Variants in TLR4 observed in about 807,000 individuals in gnomAD.
TLR4 encodes toll like receptor 4.
TLR4 carries 17 observed loss-of-function variants against 27.4 expected under a neutral mutation model. That is an observed-to-expected ratio of 0.62 (90% confidence interval 0.42 to 0.93). The LOEUF is 0.93. Ranked by LOEUF, TLR4 falls within the 40% of genes least tolerant of loss-of-function variation. The pLI is 0.00. For missense variants in TLR4, 926 were observed against 962.3 expected (o/e 0.96, Z 0.50); for synonymous variants, 363 against 365.7 (o/e 0.99, Z 0.08).
rs376848960 is a variant in TLR4 at position 117,724,282 on chromosome 9, G to T, written c.*9634G>T. 243 of 152,296 alleles carry T rather than the reference G, an allele frequency of 1.6e-3. No homozygotes were observed. The Middle Eastern group carries it at 0.02, about 13-fold the overall frequency. The allele number at this position is 152,296 out of a possible 1,614,324, so 9.4% of individuals were successfully genotyped here. A position where few individuals can be genotyped will look rare whatever the true frequency, so the allele number is the denominator to read the frequency against. On this transcript the variant is annotated 3_prime_UTR_variant, in exon 3 of 3. Coordinates refer to ENST00000355622, the MANE Select transcript of TLR4 (RefSeq NM_138554.5). ...CTTTACTTTTTCTGGCTCTTGCCACGGTTTTGAATAAAACTCTTCCAAATA... is the reference window on the plus strand; with the variant it reads ...CTTTACTTTTTCTGGCTCTTGCCACTGTTTTGAATAAAACTCTTCCAAATA...
intron 2 of TLR4, among the ~76,000 whole-genome samples, chr9:117,711,544 T>C (rs1829231478): frequency 6.6e-6 from 1 of 152,198 alleles, no homozygotes. Flanking sequence ...CAACTCCATA[T>C]TGTACACTCC....
rs1162179600 is a variant in TLR4 at position 117,713,781 on chromosome 9, C to T, written c.1653C>T (p.Tyr551=). ...KCLNSLQVLD[Y]SLNHIMTSKK... is the part of the protein sequence containing the mutation. ...TGAACTCCCTCCAGGTTCTTGATTACAGTCTCAATCACATAATGACTTCCA... is the reference window on the plus strand; with the variant it reads ...TGAACTCCCTCCAGGTTCTTGATTATAGTCTCAATCACATAATGACTTCCA... The change falls in exon 3 of 3, where the codon TAC becomes TAT. Residue 551 remains tyrosine (Y), a synonymous_variant. Coordinates refer to ENST00000355622, the MANE Select transcript of TLR4 (RefSeq NM_138554.5). The T allele has an allele frequency of 6.2e-7, 1 of 1,613,846 alleles. No individual in the cohort carries two copies. Among genetic ancestry groups the T allele is most frequent in the Non-Finnish European group, 8.5e-7 (1 of 1,180,010 alleles).
Position 117,714,738 on chromosome 9 carries a change from C to T in TLR4, c.*90C>T. 2 of 1,135,574 alleles carry T rather than the reference C, an allele frequency of 1.8e-6. No individual in the cohort carries two copies. Among genetic ancestry groups the T allele is most frequent in the South Asian group, 2.5e-5 (2 of 78,520 alleles). The allele number at this position is 1,135,574 out of a possible 1,614,324, so 70.3% of individuals were successfully genotyped here. On this transcript the variant is annotated 3_prime_UTR_variant, in exon 3 of 3. Transcript: ENST00000355622. ...ATAAGTATTAAATGCTGCCACATGT[C>T]AGGCCTTATGCTAAGGGTGAGTAAT...
Position 117,708,652 on chromosome 9 carries a change from G to C in TLR4, c.183G>C (p.Leu61=). 8.1e-6 allele frequency: 13 copies of C among 1,613,992 alleles called. No individual in the cohort carries two copies. Among genetic ancestry groups the C allele is most frequent in the Non-Finnish European group, 1.0e-5 (12 of 1,179,890 alleles). The change falls in exon 2 of 3, where the codon CTG becomes CTC. Residue 61 remains leucine, a synonymous_variant. Coordinates refer to ENST00000355622, the MANE Select transcript of TLR4 (RefSeq NM_138554.5). ...NLPFSTKNLD[L]SFNPLRHLGS... is the part of the protein sequence containing the mutation. Reference sequence around the variant, plus strand: ...CCTTCTCAACCAAGAACCTGGACCTGAGCTTTAATCCCCTGAGGCATTTAG... The same window carrying C: ...CCTTCTCAACCAAGAACCTGGACCTCAGCTTTAATCCCCTGAGGCATTTAG...
chr9:117,710,874 A>G (rs1376718574), intron 2 of TLR4, among the ~76,000 whole-genome samples: 2 of 152,102 alleles, frequency 1.3e-5, no homozygotes, highest in Non-Finnish European at 2.9e-5. Context: ...TCCAACTTAA[A>G]TGTTTTCTTT....
intron 1 of TLR4, chr9:117,708,326 T>A (rs909597909): frequency 2.3e-6 from 3 of 1,318,836 alleles, no homozygotes; most frequent in African/African-American, 3.0e-5. Flanking sequence ...GAGGTTAGAA[T>A]GCTGAGCACG....
Position 117,714,791 on chromosome 9 carries a change from G to C in TLR4, c.*143G>C. The C allele has an allele frequency of 2.7e-6, 2 of 751,710 alleles. No homozygotes were observed. The highest frequency in any genetic ancestry group is 4.6e-6 in the Non-Finnish European group (2 of 437,214). The allele number at this position is 751,710 out of a possible 1,614,324, so 46.6% of individuals were successfully genotyped here. A position where few individuals can be genotyped will look rare whatever the true frequency, so the allele number is the denominator to read the frequency against. On this transcript the variant is annotated 3_prime_UTR_variant, in exon 3 of 3. Transcript: ENST00000355622. Reference sequence around the variant, plus strand: ...CATGGTGCACTAGATATGCAGGGCTGCTAATCTCAAGGAGCTTCCAGTGCA... The same window carrying C: ...CATGGTGCACTAGATATGCAGGGCTCCTAATCTCAAGGAGCTTCCAGTGCA...
chr9:117,709,603 A>G (rs992072705), intron 2 of TLR4, among the ~76,000 whole-genome samples: 1 of 152,188 alleles, frequency 6.6e-6, no homozygotes, highest in Non-Finnish European at 1.5e-5. Flanking sequence ...ATCGAACTAG[A>G]TAATGGATCA....
rs1351362963 is a variant in TLR4 at position 117,715,107 on chromosome 9, AG to A, written c.*463del. 5.3e-6 allele frequency: 1 copy of A among 190,402 alleles called. No individual in the cohort carries two copies. The highest frequency in any genetic ancestry group is 1.1e-5 in the Non-Finnish European group (1 of 89,638). 11.8% of individuals were successfully genotyped at this position (190,402 alleles called of 1,614,324 possible). A position where few individuals can be genotyped will look rare whatever the true frequency, so the allele number is the denominator to read the frequency against. On this transcript the variant is annotated 3_prime_UTR_variant, in exon 3 of 3. Transcript: ENST00000355622. ...TTCTACTTGATGACTGCAGTCGTCA[AG>A]GGGCTCCTGATGCAAGATGCCCCTT...
In TLR4 at chr9:117,722,498, C is replaced by CT; in HGVS notation, c.*7851dup. 6.6e-6 allele frequency: 1 copy of CT among 152,302 alleles called. No individual in the cohort carries two copies. The highest frequency in any genetic ancestry group is 1.9e-4 in the East Asian group (1 of 5,180). 9.4% of individuals were successfully genotyped at this position (152,302 alleles called of 1,614,324 possible). ...TTAATGGCAGGGGATGAATATCTGGCTAGTGCTGTGCTCAGCTGAGTTATT... is the reference window on the plus strand; with the variant it reads ...TTAATGGCAGGGGATGAATATCTGGCTTAGTGCTGTGCTCAGCTGAGTTATT... On this transcript the variant is annotated 3_prime_UTR_variant, in exon 3 of 3. Transcript: ENST00000355622.
In TLR4 at chr9:117,713,518, A is replaced by G. The variant is rs199663534; in HGVS notation, c.1390A>G (p.Asn464Asp). ...ISHTHTRVAF[N>D]GIFNGLSSLE... ...TCATACTCACACCAGAGTTGCTTTC[A>G]ATGGCATCTTCAATGGCTTGTCCAG... is the stretch of plus-strand genomic sequence containing the variant. Residue 464 changes from asparagine to aspartate, a missense_variant, in exon 3 of 3, where the codon AAT becomes GAT. By Grantham distance (23) the Asn-to-Asp change is conservative (BLOSUM62 1). Transcript: ENST00000355622. 6.2e-6 allele frequency: 10 copies of G among 1,614,010 alleles called. No homozygotes were observed. The highest frequency in any genetic ancestry group is 8.5e-6 in the Non-Finnish European group (10 of 1,180,026).
Position 117,713,678 on chromosome 9 carries a change from A to G in TLR4, c.1550A>G (p.Asn517Ser). ...GAGCAGTTGTCTCCAACAGCATTTAACTCACTCTCCAGTCTTCAGGTACTA... is the reference window on the plus strand; with the variant it reads ...GAGCAGTTGTCTCCAACAGCATTTAGCTCACTCTCCAGTCTTCAGGTACTA... ...QLEQLSPTAF[N>S]SLSSLQVLNM... Residue 517 changes from asparagine (N) to serine (S), a missense_variant, in exon 3 of 3, where the codon AAC (asparagine) becomes AGC (serine). Asn to Ser is a conservative substitution (Grantham distance 46). Transcript: ENST00000355622. 6.2e-7 allele frequency: 1 copy of G among 1,613,898 alleles called. No homozygotes were observed. Among genetic ancestry groups the G allele is most frequent in the East Asian group, 2.2e-5 (1 of 44,858 alleles).
At chr9:117,708,267 C>A (rs530138869) in intron 1 of TLR4, 1 of 1,172,864 alleles carries the variant, frequency 8.5e-7, no homozygotes, top group African/African-American at 1.6e-5. Flanking sequence ...AGCCTCAGCC[C>A]TTCACCCCGA....
Position 117,704,498 on chromosome 9 carries a change from G to A in TLR4, c.26G>A (p.Gly9Glu), listed in dbSNP as rs537921979. Residue 9 changes from glycine to glutamate, a missense_variant, in exon 1 of 3, where the codon GGG becomes GAG. Gly to Glu is a moderately conservative substitution (Grantham distance 98, BLOSUM62 -2). Transcript: ENST00000355622. MMSASRLA[G>E]TLIPAMAFLS... ...ATGATGTCTGCCTCGCGCCTGGCTG[G>A]GACTCTGATCCCAGCCATGGCCTTC... The A allele has an allele frequency of 1.9e-5, 31 of 1,613,576 alleles. No homozygotes were observed. Among genetic ancestry groups the A allele is most frequent in the Admixed American group, 8.3e-5 (5 of 59,992 alleles).
Position 117,724,487 on chromosome 9 carries a change from CTCTT to C in TLR4, c.*9844_*9847del, listed in dbSNP as rs969017473. On this transcript the variant is annotated 3_prime_UTR_variant, in exon 3 of 3. Transcript: ENST00000355622. ...TTTTGATGTTCATTTTCTCCTTGCTCTCTTTCTTCCTTTCTTGTCTGTGAACTCC... is the reference window on the plus strand; with the variant it reads ...TTTTGATGTTCATTTTCTCCTTGCTCTCTTCCTTTCTTGTCTGTGAACTCC... 8 of 152,192 alleles carry C rather than the reference CTCTT, an allele frequency of 5.3e-5. No individual in the cohort carries two copies. The highest frequency in any genetic ancestry group is 7.2e-5 in the African/African-American group (3 of 41,438). 9.4% of individuals were successfully genotyped at this position (152,192 alleles called of 1,614,324 possible).
In TLR4 at chr9:117,713,368, A is replaced by G. The variant is rs371798034; in HGVS notation, c.1240A>G (p.Met414Val). 1.2e-6 allele frequency: 2 copies of G among 1,614,058 alleles called. No individual in the cohort carries two copies. The highest frequency in any genetic ancestry group is 1.7e-6 in the Non-Finnish European group (2 of 1,179,988). ...LDLSFNGVIT[M>V]SSNFLGLEQL... The stretch of plus-strand genomic sequence containing the variant: ...TCTGAGCTTCAATGGTGTTATTACC[A>G]TGAGTTCAAACTTCTTGGGCTTAGA... The change falls in exon 3 of 3, where the codon ATG (methionine) becomes GTG (valine). Residue 414 changes from methionine to valine, a missense_variant. Physicochemically the swap from Met to Val is conservative, Grantham distance 21 (BLOSUM62 1). Coordinates refer to ENST00000355622, the MANE Select transcript of TLR4 (RefSeq NM_138554.5).
chr9:117,708,643 C>T lies in TLR4; in HGVS notation c.174C>T (p.Asn58=). Residue 58 remains asparagine, a synonymous_variant, in exon 2 of 3, where the codon AAC becomes AAT. Transcript: ENST00000355622. ...ACAACCTCCCCTTCTCAACCAAGAA[C>T]CTGGACCTGAGCTTTAATCCCCTGA... ...IPDNLPFSTK[N]LDLSFNPLRH... 6.2e-7 allele frequency: 1 copy of T among 1,613,990 alleles called. No individual in the cohort carries two copies. The highest frequency in any genetic ancestry group is 8.5e-7 in the Non-Finnish European group (1 of 1,179,876).
At chr9:117,708,772 A>G in intron 2 of TLR4, 43 bp downstream of exon 2, 1 of 1,611,936 alleles carries the variant, frequency 6.2e-7, no homozygotes, top group East Asian at 2.2e-5. Context: ...TGAGGTGTTC[A>G]TTGTCCTGTC....
rs1012853347 is a variant in TLR4 at position 117,712,387 on chromosome 9, A to G, written c.261-2A>G. On this transcript the variant is annotated splice_acceptor_variant, in intron 2 of 2. Coordinates refer to ENST00000355622, the MANE Select transcript of TLR4 (RefSeq NM_138554.5). LOFTEE classifies it high-confidence loss of function. The stretch of plus-strand genomic sequence containing the variant: ...ATAATCAATGTCTTTTTATTCCTGT[A>G]GGTGTGAAATCCAGACAATTGAAGA... 6.2e-7 allele frequency: 1 copy of G among 1,612,424 alleles called. No individual in the cohort carries two copies. The highest frequency in any genetic ancestry group is 1.3e-5 in the African/African-American group (1 of 74,884).
Sources: allele counts gnomAD v4.1 joint callset (sites outside exome capture counted in the v4.1 genomes callset), GRCh38; gene constraint gnomAD v4.1.1; transcripts MANE v1.5; gene names NCBI Gene and HGNC (gene_info 2026-07-23, HGNC 2026-07-21).